Variants in GSDMD observed in about 807,000 individuals in gnomAD.
GSDMD encodes the protein gasdermin D, also known as gasdermin-D.
Under a neutral mutation model 46.7 loss-of-function variants are expected in GSDMD, and 46 were observed. The observed-to-expected ratio is 0.99, with a 90% CI of 0.78 to 1.26. The LOEUF (loss-of-function observed/expected upper bound fraction) is 1.26. Among genes scored for constraint, GSDMD ranks in the 50% most tolerant of loss-of-function variants. The probability of loss-of-function intolerance (pLI) is 0.00; values close to 1 mark genes in which losing one functional copy is unlikely to be tolerated. For synonymous variants in GSDMD, 307 were observed against 283.1 expected, an observed-to-expected ratio of 1.08 and a Z score of -0.85; for missense variants, 649 against 638.8, an observed-to-expected ratio of 1.02 and a Z score of -0.17.
chr8:143,558,309 T>G, upstream of GSDMD: 1 of 1,517,930 alleles, frequency 6.6e-7, no homozygotes, highest in South Asian at 1.2e-5. Flanking sequence ...CCGGGACGGT[T>G]CCGGGAGGGC....
At chr8:143,553,494 C>A (rs1823248050), upstream of GSDMD, 1 of 146,736 alleles carries the variant, frequency 6.8e-6, no homozygotes, top group South Asian at 2.2e-4. Flanking sequence ...TGGCCCAGGG[C>A]GCCTCGCCGA....
At chr8:143,559,608 C>A in intron 2 of GSDMD, 56 bp downstream of exon 2, 1 of 1,530,964 alleles carries the variant, frequency 6.5e-7, no homozygotes, top group Non-Finnish European at 8.9e-7. Context: ...GAGAGGGGAG[C>A]GGGCTGGGGC....
chr8:143,557,979 A>C (rs1002761249), upstream of GSDMD: 24 of 416,130 alleles, frequency 5.8e-5, no homozygotes, highest in Non-Finnish European at 9.1e-5. Flanking sequence ...ACTGCAACCT[A>C]CACCTCCCAG....
At chr8:143,561,450 G>A (rs747900168) in intron 6 of GSDMD, 27 bp downstream of exon 6, 26 of 1,602,876 alleles carry the variant, frequency 1.6e-5, no homozygotes, top group African/African-American at 4.0e-5. Flanking sequence ...CCCAGCATGG[G>A]GTGTCCGGTG....
At chr8:143,557,333 A>G (rs62523578), upstream of GSDMD, among the ~76,000 whole-genome samples, 6 of 45,140 alleles carry the variant, frequency 1.3e-4, no homozygotes, top group Admixed American at 2.2e-4. Context: ...TGCTGCCGCT[A>G]TGGTGAAGGA....
Position 143,558,433 on chromosome 8 carries a change from C to T in GSDMD, c.-23C>T, listed in dbSNP as rs112539016. ...GCAGACGCGCCAGACGCGCCACCCT[C>T]GGGGCGCCGACGGTCACGGTGAGCT... On this transcript the variant is annotated 5_prime_UTR_variant, in exon 1 of 11. Transcript: ENST00000262580. The T allele has an allele frequency of 3.3e-3, 4,983 of 1,504,458 alleles. 130 individuals are homozygous for T. In the African/African-American group the frequency reaches 0.06, roughly 18 times the overall value. The allele number at this position is 1,504,458 out of a possible 1,614,324, so 93.2% of individuals were successfully genotyped here.
At chr8:143,562,575 C>T in intron 10 of GSDMD, 54 bp downstream of exon 10, 5 of 1,596,974 alleles carry the variant, frequency 3.1e-6, no homozygotes, top group Non-Finnish European at 4.3e-6. Flanking sequence ...GTGGAAGGGG[C>T]CCTGTGGCAC....
At position 143,559,779 on chromosome 8, in the gene GSDMD, G is replaced by A. The variant is rs138868380; in HGVS notation, c.220G>A (p.Val74Met). The A allele has an allele frequency of 2.0e-4, 317 of 1,592,908 alleles. No individual in the cohort carries two copies. The highest frequency in any genetic ancestry group is 5.3e-4 in the Admixed American group (31 of 58,832). ...ILEPDAAEPD[V>M]QRGRSFHFYD... ...CCTCAGGTCTGGCCTTGCTTTAGAC[G>A]TGCAGCGTGGCAGGAGCTTCCACTT... is the stretch of plus-strand genomic sequence containing the variant. Residue 74 changes from valine to methionine, a missense_variant and splice_region_variant, in exon 3 of 11, where the codon GTG becomes ATG. By Grantham distance (21) the Val-to-Met change is conservative. Transcript: ENST00000262580.
rs774581287 is a variant in GSDMD, at chr8:143,561,028, G to A, written c.606G>A (p.Gln202=). 6.2e-6 allele frequency: 10 copies of A among 1,612,824 alleles called. No homozygotes were observed. Among genetic ancestry groups the A allele is most frequent in the Admixed American group, 5.0e-5 (3 of 59,994 alleles). ...LQGEGQGHLS[Q]KKTVTIPSGS... ...GTGAGGGCCAGGGCCATCTGAGCCA[G>A]AAGAAGACGGTCACCATCCCCTCAG... Residue 202 remains glutamine, a synonymous_variant, in exon 5 of 11, where the codon CAG becomes CAA. Transcript: ENST00000262580.
Position 143,562,691 on chromosome 8 carries a change from G to A in GSDMD, c.1242G>A (p.Pro414=), listed in dbSNP as rs146780569. Residue 414 remains proline (P), a synonymous_variant, in exon 11 of 11, where the codon CCG becomes CCA. Transcript: ENST00000262580. ...LVGSLLEQSA[P]WQERSTMSLP... ...GCAGCCTCTTGGAGCAGAGTGCCCC[G>A]TGGCAGGAGCGCAGCACCATGTCCC... is the stretch of plus-strand genomic sequence containing the variant. 9.0e-5 allele frequency: 145 copies of A among 1,604,252 alleles called. No homozygotes were observed. The African/African-American group carries it at 1.5e-3, about 16-fold the overall frequency.
At chr8:143,560,956 C>G (rs376015326) in intron 4 of GSDMD, 46 bp from the exon 5 acceptor site, 85 of 1,578,678 alleles carry the variant, frequency 5.4e-5, no homozygotes, top group Middle Eastern at 3.3e-4. Flanking sequence ...CCGCACCCCA[C>G]GGCCCGGTGC....
Position 143,559,862 on chromosome 8 carries a change from G to A in GSDMD, c.303G>A (p.Gln101=), listed in dbSNP as rs1024824913. 3 of 1,612,822 alleles carry A rather than the reference G, an allele frequency of 1.9e-6. No individual in the cohort carries two copies. The highest frequency in any genetic ancestry group is 1.7e-6 in the Non-Finnish European group (2 of 1,179,982). ...QGSVELAAPG[Q]AKIAGGAAVS... is the part of the protein sequence containing the mutation. ...GCGTGGAGCTGGCAGCCCCAGGACA[G>A]GCAAAGATCGCAGGCGGGGCCGCGG... The change falls in exon 3 of 11, where the codon CAG becomes CAA. Residue 101 remains glutamine (Q), a synonymous_variant. Transcript: ENST00000262580.
chr8:143,559,998 GGGCCCCACCTACCCCAAGCAA>G, intron 3 of GSDMD, 29 bp downstream of exon 3: 1 of 1,587,376 alleles, frequency 6.3e-7, no homozygotes, highest in Non-Finnish European at 8.6e-7. Flanking sequence ...GGGCAGGGCA[GGGCCCCACCTACCCCAAGCAA>G]CCCTGCTTTT....
At chr8:143,557,338 G>GACGACAGATGCTGCCGCTGTGGCA (rs1823322235), upstream of GSDMD, among the ~76,000 whole-genome samples, 2 of 32,506 alleles carry the variant, frequency 6.2e-5, no homozygotes, top group African/African-American at 9.6e-5. Flanking sequence ...CCGCTATGGT[G>GACGACAGATGCTGCCGCTGTGGCA]AAGGATGCTG....
intron 4 of GSDMD, 79 bp downstream of exon 4, chr8:143,560,850 T>G (rs1161436021): frequency 2.1e-5 from 30 of 1,438,408 alleles, no homozygotes; most frequent in Non-Finnish European, 2.6e-5. Flanking sequence ...CGGGCTGGGC[T>G]CCGCCAAGGC....
chr8:143,558,298 T>C, upstream of GSDMD: 1 of 1,508,576 alleles, frequency 6.6e-7, no homozygotes, highest in Middle Eastern at 1.8e-4. Context: ...GGGCGGGCTC[T>C]CCGGGACGGT....
At position 143,558,387 on chromosome 8, in the gene GSDMD, G is replaced by C; in HGVS notation, c.-69G>C. On this transcript the variant is annotated 5_prime_UTR_variant, in exon 1 of 11. Transcript: ENST00000262580. ...CTCTGGGCACCTCCAGCTCCTGCTC[G>C]CCGGACGGCTCCCAGGGAGAGCAGA... 2 of 1,518,842 alleles carry C rather than the reference G, an allele frequency of 1.3e-6. No individual in the cohort carries two copies. Among genetic ancestry groups the C allele is most frequent in the South Asian group, 1.2e-5 (1 of 83,044 alleles). 94.1% of individuals were successfully genotyped at this position (1,518,842 alleles called of 1,614,324 possible).
intron 2 of GSDMD, 94 bp from the exon 3 acceptor site, chr8:143,559,683 C>T: frequency 7.0e-7 from 1 of 1,436,178 alleles, no homozygotes; most frequent in Middle Eastern, 2.2e-4. Context: ...GGGGCCTTTC[C>T]AAAGGTCCCT....
upstream of GSDMD, among the ~76,000 whole-genome samples, chr8:143,555,523 G>A (rs1823284442): frequency 6.6e-6 from 1 of 152,214 alleles, no homozygotes; most frequent in Non-Finnish European, 1.5e-5. Flanking sequence ...GCAGGGAGCA[G>A]CGACCCCCAA....
Sources: gnomAD v4.1 joint callset for allele counts (sites outside exome capture counted in the v4.1 genomes callset) on GRCh38, gnomAD v4.1.1 for gene constraint, MANE v1.5 for transcripts, NCBI Gene and HGNC (gene_info 2026-07-23, HGNC 2026-07-21) for gene names.